MINAR1: variants seen among roughly 807,000 people sequenced by gnomAD.
MINAR1 encodes the protein major intrinsically disordered Notch2-binding receptor 1.
A neutral mutation model predicts 65.1 loss-of-function variants in MINAR1; 40 were observed. The observed-to-expected ratio is 0.61, with a 90% confidence interval of 0.48 to 0.80. The LOEUF is 0.80. Among genes scored for constraint, MINAR1 ranks in the 30% least tolerant of loss-of-function variants. The probability of loss-of-function intolerance (pLI) is 0.00; values close to 1 mark genes in which losing one functional copy is unlikely to be tolerated. For missense variants in MINAR1, 1,128 were observed against 1,148.0 expected (o/e 0.98, Z 0.25); for synonymous variants, 482 against 449.1 (o/e 1.07, Z -0.93).
At chr15:79,437,708 GGGTGT>G (rs1366494092) in intron 1 of MINAR1, among the ~76,000 whole-genome samples, 4 of 88,008 alleles carry the variant, frequency 4.5e-5, no homozygotes, top group Non-Finnish European at 1.1e-4. Flanking sequence ...TGTGGGGTGT[GGGTGT>G]GGGTGGGTAG....
Position 79,457,047 on chromosome 15 carries a change from C to T in MINAR1, c.900C>T (p.Phe300=). 6.2e-7 allele frequency: 1 copy of T among 1,614,066 alleles called. No individual in the cohort carries two copies. Among genetic ancestry groups the T allele is most frequent in the Non-Finnish European group, 8.5e-7 (1 of 1,179,960 alleles). Residue 300 remains phenylalanine, a synonymous_variant, in exon 2 of 4, where the codon TTC becomes TTT. Coordinates refer to ENST00000305428, the MANE Select transcript of MINAR1 (RefSeq NM_015206.3). ...AGGAACCCCACAAGCCACCCTTCTT[C>T]AACCACAGCTTTGAAATGCCCTATA... is the stretch of plus-strand genomic sequence containing the variant. ...SRKEPHKPPF[F]NHSFEMPYNS...
In MINAR1 at chr15:79,470,181, A is replaced by G. The variant is rs1210588577; in HGVS notation, c.*1797A>G. 1 of 152,612 alleles carries G rather than the reference A, an allele frequency of 6.6e-6. No individual in the cohort carries two copies. Among genetic ancestry groups the G allele is most frequent in the East Asian group, 1.9e-4 (1 of 5,206 alleles). The allele number at this position is 152,612 out of a possible 1,614,324, so 9.5% of individuals were successfully genotyped here. A position where few individuals can be genotyped will look rare whatever the true frequency, so the allele number is the denominator to read the frequency against. On this transcript the variant is annotated 3_prime_UTR_variant, in exon 4 of 4. Coordinates refer to ENST00000305428, the MANE Select transcript of MINAR1 (RefSeq NM_015206.3). ...GAGGATTTATAATTGAAAATGAAAA[A>G]AATATGTTACTCTCTATCATCAGAA...
chr15:79,414,348 T>C, the MINAR1 span: 1 of 152,230 alleles, frequency 6.6e-6, no homozygotes, highest in Non-Finnish European at 1.5e-5. Context: ...TCTACTTACA[T>C]GCATGTTTTC....
intron 2 of MINAR1, among the ~76,000 whole-genome samples, chr15:79,461,040 CTG>C (rs1895625294): frequency 6.6e-6 from 1 of 152,250 alleles, no homozygotes; most frequent in African/African-American, 2.4e-5. Flanking sequence ...TCATAAGTCT[CTG>C]TAAGCTTTCC....
chr15:79,412,651 A>T, the MINAR1 span: 1 of 152,604 alleles, frequency 6.6e-6, no homozygotes, highest in African/African-American at 2.4e-5. Flanking sequence ...TGCTGCTGCC[A>T]ATGCCCACAT....
chr15:79,412,407 C>G, the MINAR1 span: 1 of 152,390 alleles, frequency 6.6e-6, no homozygotes, highest in Non-Finnish European at 1.5e-5. Flanking sequence ...TCACCTTCAC[C>G]AGTGCCTTGC....
At position 79,456,215 on chromosome 15, in the gene MINAR1, A is replaced by C; in HGVS notation, c.68A>C (p.Asn23Thr). 1 of 1,614,134 alleles carries C rather than the reference A, an allele frequency of 6.2e-7. No individual in the cohort carries two copies. The highest frequency in any genetic ancestry group is 8.5e-7 in the Non-Finnish European group (1 of 1,180,010). Residue 23 changes from asparagine to threonine, a missense_variant, in exon 2 of 4, where the codon AAT (asparagine) becomes ACT (threonine). Coordinates refer to ENST00000305428, the MANE Select transcript of MINAR1 (RefSeq NM_015206.3). ...TTGGAGGAACTGGACAGCAAGCAAA[A>C]TACCGTTTCTTATCAGGACCTGTGC... The part of the protein sequence containing the change: ...KILEELDSKQ[N>T]TVSYQDLCKS...
intron 1 of MINAR1, among the ~76,000 whole-genome samples, chr15:79,439,357 GAGAT>G (rs1894794377): frequency 1.1e-5 from 1 of 94,184 alleles, no homozygotes; most frequent in Non-Finnish European, 2.2e-5. Context: ...TGTGGGTAAT[GAGAT>G]GTGGGTGGGG....
intron 1 of MINAR1, among the ~76,000 whole-genome samples, chr15:79,434,251 T>C (rs1894532945): frequency 6.6e-6 from 1 of 152,212 alleles, no homozygotes; most frequent in Admixed American, 6.5e-5. Context: ...GTTGTTGGTG[T>C]TATGTTCCTT....
At chr15:79,452,063 G>A (rs1895222221) in intron 1 of MINAR1, among the ~76,000 whole-genome samples, 1 of 152,044 alleles carries the variant, frequency 6.6e-6, no homozygotes, top group African/African-American at 2.4e-5. Context: ...TGTGTGTGCA[G>A]AGGTGTGAAT....
intron 3 of MINAR1, among the ~76,000 whole-genome samples, chr15:79,464,183 CTT>C (rs1246619427): frequency 6.6e-6 from 1 of 152,340 alleles, no homozygotes; most frequent in Non-Finnish European, 1.5e-5. Context: ...ATCCAGGACT[CTT>C]TCGCTGTGTG....
chr15:79,443,863 G>A (rs531760549), intron 1 of MINAR1, among the ~76,000 whole-genome samples: 1 of 152,228 alleles, frequency 6.6e-6, no homozygotes, highest in South Asian at 2.1e-4. Context: ...AGCTTCAACT[G>A]TATTACCAAA....
upstream of MINAR1, chr15:79,427,345 T>G (rs1894337826): frequency 6.6e-6 from 1 of 152,176 alleles, no homozygotes. Context: ...CAAAATAATC[T>G]GTACAACAAA....
chr15:79,468,296 A>G lies in MINAR1; in HGVS notation c.2663A>G (p.Lys888Arg), dbSNP rs1895948175. 1 of 1,614,170 alleles carries G rather than the reference A, an allele frequency of 6.2e-7. No homozygotes were observed. Among genetic ancestry groups the G allele is most frequent in the African/African-American group, 1.3e-5 (1 of 75,072 alleles). ...KRKEAEFRRA[K>R]VCKIAALIAA... is the part of the protein sequence containing the mutation. The stretch of plus-strand genomic sequence containing the variant: ...AAAGAAGCCGAATTCAGACGAGCCA[A>G]GGTCTGCAAGATAGCTGCTCTGATC... Residue 888 changes from lysine (K) to arginine (R), a missense_variant, in exon 4 of 4, where the codon AAG becomes AGG. Physicochemically the swap from Lys to Arg is conservative, Grantham distance 26 (BLOSUM62 2). Coordinates refer to ENST00000305428, the MANE Select transcript of MINAR1 (RefSeq NM_015206.3).
At chr15:79,463,695 C>T (rs1567061879) in intron 3 of MINAR1, 1 of 480,480 alleles carries the variant, frequency 2.1e-6, no homozygotes, top group Non-Finnish European at 4.1e-6. Flanking sequence ...CCATATGTAG[C>T]ACGTGGGATA....
upstream of MINAR1, among the ~76,000 whole-genome samples, chr15:79,429,255 C>T (rs776046608): frequency 6.6e-6 from 1 of 152,176 alleles, no homozygotes; most frequent in Admixed American, 6.5e-5. Context: ...AATCAACCTC[C>T]GATCCTGTAA....
chr15:79,442,721 G>A (rs1894906734), intron 1 of MINAR1, among the ~76,000 whole-genome samples: 1 of 150,340 alleles, frequency 6.7e-6, no homozygotes, highest in South Asian at 2.1e-4. Flanking sequence ...TCTCTTTTTG[G>A]CAGGTCTCGG....
the MINAR1 span, chr15:79,411,606 C>T: frequency 3.0e-6 from 2 of 661,120 alleles, no homozygotes; most frequent in Non-Finnish European, 5.5e-6. Flanking sequence ...TGCACTGGGA[C>T]TAGCTCCTGG....
upstream of MINAR1, among the ~76,000 whole-genome samples, chr15:79,431,515 G>GT (rs983349896): frequency 3.0e-5 from 4 of 134,750 alleles, no homozygotes; most frequent in African/African-American, 1.4e-4. Context: ...GTGTGTGTGT[G>GT]GGGGGGGAGA....
Sources: allele counts gnomAD v4.1 joint callset (sites outside exome capture counted in the v4.1 genomes callset), GRCh38; gene constraint gnomAD v4.1.1; transcripts MANE v1.5; gene names NCBI Gene and HGNC (gene_info 2026-07-23, HGNC 2026-07-21).